HDAC9: variants seen among roughly 807,000 people sequenced by gnomAD.
HDAC9 encodes the protein MEF-2 interacting transcription repressor (MITR) protein.
Under a neutral mutation model 139.4 loss-of-function variants are expected in HDAC9, and 41 were observed. The ratio of observed to expected loss-of-function variants is 0.29; its 90% confidence interval spans 0.23 to 0.38. The LOEUF (loss-of-function observed/expected upper bound fraction) is 0.38. Among genes scored for constraint, HDAC9 ranks in the 10% least tolerant of loss-of-function variants. The probability of loss-of-function intolerance (pLI) is 1.00; values close to 1 mark genes in which losing one functional copy is unlikely to be tolerated. For synonymous variants in HDAC9, 517 were observed against 476.2 expected (o/e 1.09, Z -1.12); for missense variants, 1,147 against 1,297.0 (o/e 0.88, Z 1.78).
intron 2 of HDAC9, among the ~76,000 whole-genome samples, chr7:18,237,540 C>A (rs1200117875): frequency 1.3e-5 from 2 of 152,080 alleles, no homozygotes; most frequent in Non-Finnish European, 2.9e-5. Flanking sequence ...TATGGAGGCT[C>A]ATGGGAGAAC....
chr7:18,366,814 A>G lies in HDAC9; in HGVS notation c.-42+76299A>G, dbSNP rs370293345. On this transcript the variant is annotated intron_variant, in intron 1 of 3. Coordinates refer to the HDAC9 transcript ENST00000413509. ...CTCAGCTTGAAATTCAAATGTATTG[A>G]CTCTCCTATTTTTATGTAAAGTGAT... Among the ~76,000 whole-genome samples, 8 of 151,542 alleles carry G rather than the reference A, an allele frequency of 5.3e-5. No individual in the cohort carries two copies. The East Asian group carries it at 1.6e-3, about 29-fold the overall frequency.
At chr7:18,870,428 A>G (rs1798825645) in intron 21 of HDAC9, among the ~76,000 whole-genome samples, 1 of 152,160 alleles carries the variant, frequency 6.6e-6, no homozygotes, top group African/African-American at 2.4e-5. Context: ...ATTTGAAGTT[A>G]TATGTTTTTA....
At position 18,614,296 on chromosome 7, in the gene HDAC9, G is replaced by A. The variant is rs60242375; in HGVS notation, c.665-15054G>A. Among the ~76,000 whole-genome samples, 523 of 152,084 alleles carry A rather than the reference G, an allele frequency of 3.4e-3. 24 individuals are homozygous for A. In the East Asian group the frequency reaches 0.076, roughly 22 times the overall value. On this transcript the variant is annotated intron_variant, in intron 6 of 25. Coordinates refer to ENST00000686413, the MANE Select transcript of HDAC9 (RefSeq NM_178425.4). ...GATTTGGAAGTTGACCCTCCAATCCGCCACACCGCAAGACTTCCTCCTCCT... is the reference window on the plus strand; with the variant it reads ...GATTTGGAAGTTGACCCTCCAATCCACCACACCGCAAGACTTCCTCCTCCT...
chr7:18,496,136 A>G, intron 1 of HDAC9, 113 bp downstream of exon 1: 1 of 1,397,646 alleles, frequency 7.2e-7, no homozygotes, highest in Non-Finnish European at 9.8e-7. Context: ...GGGAGGAGGG[A>G]GAACCAGCGA....
chr7:18,525,753 T>C (rs1806646394), intron 2 of HDAC9, among the ~76,000 whole-genome samples: 1 of 152,202 alleles, frequency 6.6e-6, no homozygotes, highest in Admixed American at 6.6e-5. Context: ...CTAAGTCTAG[T>C]CTTTCAGAAC....
At chr7:18,574,571 T>C (rs1456944302) in intron 2 of HDAC9, among the ~76,000 whole-genome samples, 1 of 152,178 alleles carries the variant, frequency 6.6e-6, no homozygotes, top group Non-Finnish European at 1.5e-5. Context: ...CCCAGGAGCT[T>C]GTCTGCCTCC....
intron 2 of HDAC9, among the ~76,000 whole-genome samples, chr7:18,270,503 T>A (rs1163992436): frequency 6.6e-6 from 1 of 152,178 alleles, no homozygotes; most frequent in Non-Finnish European, 1.5e-5. Context: ...CTTTGTGGGA[T>A]ATGGTACATT....
intron 1 of HDAC9, among the ~76,000 whole-genome samples, chr7:18,117,527 G>C (rs1366653872): frequency 6.6e-6 from 1 of 151,390 alleles, no homozygotes. Context: ...AAAGAGAAGA[G>C]ATAGAGAGAC....
rs771854154 is a variant in HDAC9, at chr7:18,644,653, C to A, written c.913-18C>A. Reference sequence around the variant, plus strand: ...TGTGATACTGTGGTATTTTGAGACTCTCCTCTTTTTTTAACAGCAAATGGT... The same window carrying A: ...TGTGATACTGTGGTATTTTGAGACTATCCTCTTTTTTTAACAGCAAATGGT... On this transcript the variant is annotated intron_variant, in intron 8 of 25. Transcript: ENST00000686413. 8 of 1,599,470 alleles carry A rather than the reference C, an allele frequency of 5.0e-6. No homozygotes were observed. The highest frequency in any genetic ancestry group is 6.8e-6 in the Non-Finnish European group (8 of 1,172,624).
At chr7:18,667,340 T>C (rs531043413) in intron 12 of HDAC9, 162 of 984,676 alleles carry the variant, frequency 1.6e-4, no homozygotes, top group Middle Eastern at 1.0e-3. Context: ...TATTATCTGA[T>C]ATCAAGTCAA....
intron 1 of HDAC9, among the ~76,000 whole-genome samples, chr7:18,155,170 T>G (rs1787098429): frequency 6.6e-6 from 1 of 151,790 alleles, no homozygotes; most frequent in Non-Finnish European, 1.5e-5. Flanking sequence ...GCATTGTGAG[T>G]CTCCTTTTAA....
chr7:18,271,627 G>A (rs930610702), intron 2 of HDAC9, among the ~76,000 whole-genome samples: 19 of 151,898 alleles, frequency 1.3e-4, no homozygotes, highest in South Asian at 2.1e-4. Context: ...TTTTTCACCC[G>A]AATTCCTACA....
At chr7:18,545,816 G>A (rs78108168) in intron 2 of HDAC9, among the ~76,000 whole-genome samples, 10 of 151,982 alleles carry the variant, frequency 6.6e-5, no homozygotes, top group South Asian at 2.1e-4. Context: ...GGCAAAATTC[G>A]ACCTACTGGT....
At chr7:18,559,669 T>A (rs1202283087) in intron 2 of HDAC9, among the ~76,000 whole-genome samples, 1 of 152,220 alleles carries the variant, frequency 6.6e-6, no homozygotes. Flanking sequence ...TATTCCCTTT[T>A]CAGCCTGCAT....
intron 17 of HDAC9, among the ~76,000 whole-genome samples, chr7:18,823,941 G>A (rs1467000545): frequency 6.6e-6 from 1 of 151,572 alleles, no homozygotes; most frequent in East Asian, 1.9e-4. Context: ...TGATGCCACT[G>A]CACTGCAGCC....
chr7:18,551,693 AT>A (rs1215329339), intron 2 of HDAC9, among the ~76,000 whole-genome samples: 1 of 152,194 alleles, frequency 6.6e-6, no homozygotes, highest in Admixed American at 6.5e-5. Flanking sequence ...AAACAGGATC[AT>A]TTTTTGTTTG....
intron 2 of HDAC9, among the ~76,000 whole-genome samples, chr7:18,226,382 A>C (rs1278160221): frequency 6.6e-6 from 1 of 152,152 alleles, no homozygotes; most frequent in Non-Finnish European, 1.5e-5. Flanking sequence ...CTGGAGGTTG[A>C]GCACATGCTC....
rs1211708536 is a variant in HDAC9, at chr7:18,732,927, GTGTA to G, written c.1909+5178_1909+5181del. Among the ~76,000 whole-genome samples the G allele has an allele frequency of 9.8e-5, 12 of 122,784 alleles. 1 individual carries two copies. Among genetic ancestry groups the G allele is most frequent in the Non-Finnish European group, 8.3e-5 (5 of 59,960 alleles). 80.6% of individuals were successfully genotyped at this position (122,784 alleles called of 152,430 possible). ...CGTGTGCGTATGTGTATACACACGT[GTGTA>G]TGTATGTGTATACACACGTGTATGT... On this transcript the variant is annotated intron_variant, in intron 13 of 25. Coordinates refer to ENST00000686413, the MANE Select transcript of HDAC9 (RefSeq NM_178425.4).
chr7:18,210,392 AG>A (rs1472475905), intron 2 of HDAC9, among the ~76,000 whole-genome samples: 1 of 152,236 alleles, frequency 6.6e-6, no homozygotes, highest in Non-Finnish European at 1.5e-5. Flanking sequence ...TCCAGTTAAG[AG>A]GGTTTCCTAT....
Sources: gnomAD v4.1 joint callset for allele counts (sites outside exome capture counted in the v4.1 genomes callset) on GRCh38, gnomAD v4.1.1 for gene constraint, MANE v1.5 for transcripts, NCBI Gene and HGNC (gene_info 2026-07-23, HGNC 2026-07-21) for gene names.